The following RAPGEF6 variants were observed in gnomAD, a reference collection of about 807,000 sequenced individuals.
RAPGEF6 encodes the protein Rap guanine nucleotide exchange factor 6.
A neutral mutation model predicts 171.4 loss-of-function variants in RAPGEF6; 56 were observed. The ratio of observed to expected loss-of-function variants is 0.33; its 90% CI spans 0.26 to 0.41. RAPGEF6 has a LOEUF of 0.41. RAPGEF6 is among the 10% of genes least tolerant of loss of function. The pLI is 1.00. For synonymous variants in RAPGEF6, 692 were observed against 650.1 expected, an observed-to-expected ratio of 1.06 and a Z score of -0.98; for missense variants, 1,674 against 1,921.4, an observed-to-expected ratio of 0.87 and a Z score of 2.41.
intron 1 of RAPGEF6, among the ~76,000 whole-genome samples, chr5:131,614,426 A>G (rs1029406620): frequency 6.6e-6 from 1 of 152,162 alleles, no homozygotes; most frequent in Non-Finnish European, 1.5e-5. Flanking sequence ...ACTTAAAATC[A>G]TGGTGGAAGG....
At chr5:131,452,800 T>C (rs994189427) in intron 21 of RAPGEF6, among the ~76,000 whole-genome samples, 3 of 152,092 alleles carry the variant, frequency 2.0e-5, no homozygotes, top group African/African-American at 7.2e-5. Context: ...TACAGAACTA[T>C]CCACATACAA....
chr5:131,558,903 G>A (rs1034398154), intron 5 of RAPGEF6, among the ~76,000 whole-genome samples: 6 of 152,060 alleles, frequency 3.9e-5, no homozygotes, highest in East Asian at 1.9e-4. Context: ...AAAAGTAGGC[G>A]TACTCTGTTG....
chr5:131,619,346 T>A (rs1044434969), intron 1 of RAPGEF6, among the ~76,000 whole-genome samples: 1 of 152,082 alleles, frequency 6.6e-6, no homozygotes, highest in Non-Finnish European at 1.5e-5. Context: ...GGCATAGCAT[T>A]AGGATAAATA....
chr5:131,452,294 T>G (rs1220822950), intron 21 of RAPGEF6, among the ~76,000 whole-genome samples: 1 of 152,202 alleles, frequency 6.6e-6, no homozygotes, highest in African/African-American at 2.4e-5. Context: ...AGGAAGCCTT[T>G]GTTATTACAT....
chr5:131,610,996 C>G (rs138052529), intron 1 of RAPGEF6, among the ~76,000 whole-genome samples: 73 of 152,276 alleles, frequency 4.8e-4, no homozygotes, highest in African/African-American at 1.7e-3. Flanking sequence ...TACTCCCAAT[C>G]AATAACTGAG....
Position 131,461,719 on chromosome 5 carries a change from C to T in RAPGEF6, c.2850G>A (p.Met950Ile). The change falls in exon 19 of 28, where the codon ATG becomes ATA. Residue 950 changes from methionine (M) to isoleucine (I), a missense_variant. Coordinates refer to ENST00000509018, the MANE Select transcript of RAPGEF6 (RefSeq NM_016340.6). ...TACCAACTTACCTTATTATTGCAAA[C>T]ATGGAATTGAAGTTCTTACATTCTC... ...HCRECKNFNS[M>I]FAIISGLNLA... 6.3e-7 allele frequency: 1 copy of T among 1,596,998 alleles called. No homozygotes were observed. Among genetic ancestry groups the T allele is most frequent in the Admixed American group, 1.7e-5 (1 of 59,566 alleles).
rs535113633 is a variant in RAPGEF6 at position 131,585,145 on chromosome 5, A to G, written c.281+7238T>C. On this transcript the variant is annotated intron_variant, in intron 4 of 27. Coordinates refer to ENST00000509018, the MANE Select transcript of RAPGEF6 (RefSeq NM_016340.6). ...TGATTTACATAAAAGGTGGCACTAA[A>G]TGAGTGAGAAAAGGACATCTAGGTA... 1.8e-4 allele frequency among the ~76,000 whole-genome samples: 27 copies of G among 152,180 alleles called. 1 individual carries two copies. In the South Asian group the frequency reaches 5.6e-3, roughly 32 times the overall value.
At chr5:131,472,070 TTTTC>T (rs1460669044) in intron 17 of RAPGEF6, 2 of 152,616 alleles carry the variant, frequency 1.3e-5, no homozygotes, top group African/African-American at 5.4e-5. Flanking sequence ...CTCTTTTTTC[TTTTC>T]TTTTTTTTTT....
At chr5:131,565,279 T>C (rs1042470489) in intron 4 of RAPGEF6, among the ~76,000 whole-genome samples, 3 of 152,100 alleles carry the variant, frequency 2.0e-5, no homozygotes, top group Admixed American at 1.3e-4. Context: ...CCATTAAAAA[T>C]AGAATAAAAA....
At chr5:131,509,873 T>C (rs1209180121) in intron 8 of RAPGEF6, among the ~76,000 whole-genome samples, 2 of 152,214 alleles carry the variant, frequency 1.3e-5, no homozygotes, top group Non-Finnish European at 2.9e-5. Flanking sequence ...GAAGTGATGA[T>C]GCATTACTCT....
intron 6 of RAPGEF6, 114 bp downstream of exon 6, chr5:131,547,933 C>T: frequency 8.5e-7 from 1 of 1,174,454 alleles, no homozygotes; most frequent in Non-Finnish European, 1.2e-6. Context: ...TTACCTGCCC[C>T]AAATTTTCAC....
chr5:131,464,237 T>G lies in RAPGEF6; in HGVS notation c.2284A>C (p.Ser762Arg). 1 of 1,613,466 alleles carries G rather than the reference T, an allele frequency of 6.2e-7. No homozygotes were observed. Among genetic ancestry groups the G allele is most frequent in the Non-Finnish European group, 8.5e-7 (1 of 1,179,542 alleles). Residue 762 changes from serine (S) to arginine (R), a missense_variant, in exon 18 of 28, where the codon AGT (serine) becomes CGT (arginine). Around this residue, in one of 3 missense-constraint regions of RAPGEF6, gnomAD observed 1,116 missense variants for 1,321.5 expected, o/e 0.84. Transcript: ENST00000509018. ...TCTTTACTGATGATAATGTAGCAAC[T>G]TTGCTGATCCACTTTGAAAACTCTT... ...VIRVFKVDQQ[S>R]CYIIISKDTT...
intron 4 of RAPGEF6, among the ~76,000 whole-genome samples, chr5:131,579,608 A>G (rs1348357431): frequency 6.6e-6 from 1 of 152,184 alleles, no homozygotes; most frequent in African/African-American, 2.4e-5. Flanking sequence ...CTAGACACAG[A>G]GCACTGATTG....
intron 1 of RAPGEF6, among the ~76,000 whole-genome samples, chr5:131,611,244 T>C (rs1372938747): frequency 6.6e-6 from 1 of 152,378 alleles, no homozygotes; most frequent in East Asian, 1.9e-4. Flanking sequence ...CTTGCATGTC[T>C]AATATTGTTG....
chr5:131,549,180 TA>T (rs1248140201), intron 5 of RAPGEF6, among the ~76,000 whole-genome samples: 2 of 152,180 alleles, frequency 1.3e-5, no homozygotes, highest in African/African-American at 4.8e-5. Context: ...GAACAAACCA[TA>T]ATTTTTTAAA....
Position 131,570,795 on chromosome 5 carries a change from T to C in RAPGEF6, c.282-8748A>G, listed in dbSNP as rs566415179. On this transcript the variant is annotated intron_variant, in intron 4 of 27. Transcript: ENST00000509018. ...ACTCTCTCTCCAGAAAGCCAAACAG[T>C]GGTTGTCTGATGAAGAAGGTGTGGA... Among the ~76,000 whole-genome samples, 3 of 152,218 alleles carry C rather than the reference T, an allele frequency of 2.0e-5. No homozygotes were observed. In the South Asian group the frequency reaches 6.2e-4, roughly 32 times the overall value.
rs1458710728 is a variant in RAPGEF6, at chr5:131,464,030, A to G, written c.2480+11T>C. Reference sequence around the variant, plus strand: ...CTACAAATAAGCACATCCACTAATAAGCTTATTCACCTTCCATTGAGTTGA... The same window carrying G: ...CTACAAATAAGCACATCCACTAATAGGCTTATTCACCTTCCATTGAGTTGA... On this transcript the variant is annotated intron_variant, in intron 18 of 27. Coordinates refer to ENST00000509018, the MANE Select transcript of RAPGEF6 (RefSeq NM_016340.6). 6.4e-7 allele frequency: 1 copy of G among 1,567,646 alleles called. No individual in the cohort carries two copies. The highest frequency in any genetic ancestry group is 1.2e-5 in the South Asian group (1 of 84,534).
chr5:131,580,356 C>T (rs149655079), intron 4 of RAPGEF6, among the ~76,000 whole-genome samples: 3,074 of 152,292 alleles, frequency 0.02, 107 homozygotes, highest in African/African-American at 0.07. Flanking sequence ...CACGCCCACC[C>T]GGAACTTGTG....
rs758088404 is a variant in RAPGEF6 at position 131,505,527 on chromosome 5, A to G, written c.943-5T>C. ...AATAACATACCATGAGTCAAGCTAT[A>G]GAGAAAAACAAAGGTTTTATGAATC... On this transcript the variant is annotated splice_polypyrimidine_tract_variant and splice_region_variant and intron_variant, in intron 9 of 27. Transcript: ENST00000509018. The G allele has an allele frequency of 6.2e-6, 10 of 1,607,470 alleles. No homozygotes were observed. Among genetic ancestry groups the G allele is most frequent in the Non-Finnish European group, 2.5e-6 (3 of 1,177,116 alleles).
Sources: allele counts gnomAD v4.1 joint callset (sites outside exome capture counted in the v4.1 genomes callset), GRCh38; gene constraint gnomAD v4.1.1; regional missense constraint gnomAD v4.1.1; transcripts MANE v1.5; gene names NCBI Gene and HGNC (gene_info 2026-07-23, HGNC 2026-07-21).